The following CLDN14 variants were observed in gnomAD, a reference collection of about 807,000 sequenced individuals.
The protein encoded by CLDN14 is claudin-14.
In CLDN14, 2 loss-of-function variants were observed where a neutral mutation model predicts 2.1. That is an observed-to-expected ratio of 0.96 (90% CI 0.39 to 3.01). CLDN14 has a LOEUF of 3.01. CLDN14 is among the 30% of genes most tolerant of loss of function. CLDN14 has a pLI of 0.09. For missense variants in CLDN14, 298 were observed against 328.0 expected (o/e 0.91, Z 0.71); for synonymous variants, 136 against 154.4 (o/e 0.88, Z 0.88).
chr21:36,475,555 T>C (rs2086767828), intron 1 of CLDN14, among the ~76,000 whole-genome samples: 1 of 152,162 alleles, frequency 6.6e-6, no homozygotes, highest in Admixed American at 6.5e-5. Flanking sequence ...ACCAATGGCT[T>C]ATTTATTTCA....
chr21:36,488,247 T>TTCCTTCCTTCCTTCCTTCCC (rs1300518846), intron 2 of CLDN14, among the ~76,000 whole-genome samples: 50 of 148,084 alleles, frequency 3.4e-4, no homozygotes, highest in Non-Finnish European at 7.0e-4. Context: ...CCTTCCTTCC[T>TTCCTTCCTTCCTTCCTTCCC]TCCTTCCTTC....
At chr21:36,575,725 A>C (rs1671756536) in intron 1 of CLDN14, among the ~76,000 whole-genome samples, 1 of 152,178 alleles carries the variant, frequency 6.6e-6, no homozygotes, top group East Asian at 1.9e-4. Context: ...ATGGTGTTGA[A>C]TTTTATTACA....
At chr21:36,494,935 C>T (rs569471121) in intron 2 of CLDN14, among the ~76,000 whole-genome samples, 3 of 152,310 alleles carry the variant, frequency 2.0e-5, no homozygotes, top group South Asian at 2.1e-4. Flanking sequence ...TGTATCCAGA[C>T]GAGGACCACA....
chr21:36,543,706 C>T (rs910352855), intron 1 of CLDN14, among the ~76,000 whole-genome samples: 1 of 152,108 alleles, frequency 6.6e-6, no homozygotes, highest in African/African-American at 2.4e-5. Flanking sequence ...TGAAGAATGG[C>T]GGAGCTGCGA....
intron 2 of CLDN14, among the ~76,000 whole-genome samples, chr21:36,510,049 T>C (rs1483826312): frequency 2.6e-5 from 4 of 152,126 alleles, no homozygotes; most frequent in Admixed American, 2.6e-4. Context: ...CTACAGCAAA[T>C]GGTGTAAACT....
At chr21:36,552,842 A>G (rs1226209046) in intron 1 of CLDN14, among the ~76,000 whole-genome samples, 5 of 152,166 alleles carry the variant, frequency 3.3e-5, no homozygotes, top group African/African-American at 1.2e-4. Flanking sequence ...GGAAGCTTTG[A>G]TCACCACCCC....
intron 1 of CLDN14, among the ~76,000 whole-genome samples, chr21:36,534,828 C>A (rs2087411587): frequency 6.6e-6 from 1 of 152,142 alleles, no homozygotes; most frequent in Non-Finnish European, 1.5e-5. Context: ...GTCCCCGCCC[C>A]TTATATTTAA....
At chr21:36,522,890 A>G (rs956194101) in intron 1 of CLDN14, among the ~76,000 whole-genome samples, 2 of 152,084 alleles carry the variant, frequency 1.3e-5, no homozygotes, top group African/African-American at 2.4e-5. Flanking sequence ...TTGGCCAGCC[A>G]AGATCCAGTG....
At chr21:36,511,271 G>T (rs117779995) in intron 1 of CLDN14, among the ~76,000 whole-genome samples, 7 of 152,148 alleles carry the variant, frequency 4.6e-5, no homozygotes, top group Non-Finnish European at 8.8e-5. Context: ...TTCACGGTGC[G>T]TTGAAGCAGA....
intron 1 of CLDN14, among the ~76,000 whole-genome samples, chr21:36,554,751 C>T (rs988999500): frequency 1.3e-5 from 2 of 152,098 alleles, no homozygotes; most frequent in Admixed American, 6.5e-5. Context: ...AGTTAAAGTT[C>T]CCTGAGGGCA....
chr21:36,494,727 G>A (rs1002505674), intron 2 of CLDN14, among the ~76,000 whole-genome samples: 1 of 152,216 alleles, frequency 6.6e-6, no homozygotes, highest in African/African-American at 2.4e-5. Flanking sequence ...GCATCTATAA[G>A]CCAGGGAGGG....
At chr21:36,463,378 G>A (rs1377759272) in intron 1 of CLDN14, among the ~76,000 whole-genome samples, 1 of 152,244 alleles carries the variant, frequency 6.6e-6, no homozygotes, top group African/African-American at 2.4e-5. Context: ...CAGGAAAAGC[G>A]GGTCTGCAGG....
In CLDN14 at chr21:36,461,601, C is replaced by T. The variant is rs2086576470; in HGVS notation, c.95G>A (p.Arg32Lys). 6 of 1,608,008 alleles carry T rather than the reference C, an allele frequency of 3.7e-6. No homozygotes were observed. Among genetic ancestry groups the T allele is most frequent in the South Asian group, 3.3e-5 (3 of 90,138 alleles). Residue 32 changes from arginine to lysine, a missense_variant, in exon 2 of 2, where the codon AGG becomes AAG. Transcript: ENST00000399135. The stretch of plus-strand genomic sequence containing the variant: ...GATGTTGGTGCCCACGTGCGCTGTC[C>T]TCCGCCAGTGCGGCAGGATGGTGGT... ...LITTILPHWR[R>K]TAHVGTNILT...
intron 1 of CLDN14, among the ~76,000 whole-genome samples, chr21:36,569,840 C>T (rs1056216170): frequency 1.3e-5 from 2 of 152,222 alleles, no homozygotes; most frequent in Non-Finnish European, 2.9e-5. Flanking sequence ...ACAACTTCAG[C>T]AGTGAAGGCT....
At chr21:36,553,399 G>C (rs1054249193) in intron 1 of CLDN14, among the ~76,000 whole-genome samples, 2 of 152,140 alleles carry the variant, frequency 1.3e-5, no homozygotes, top group Admixed American at 6.5e-5. Flanking sequence ...ACAGGCCCCT[G>C]GTGGTCTCTG....
chr21:36,566,354 T>G (rs912159130), intron 1 of CLDN14, among the ~76,000 whole-genome samples: 8 of 152,234 alleles, frequency 5.3e-5, no homozygotes, highest in Admixed American at 2.6e-4. Context: ...TAAATATGAC[T>G]TCTTAAAATT....
intron 1 of CLDN14, among the ~76,000 whole-genome samples, chr21:36,520,741 A>G (rs572058444): frequency 2.6e-5 from 4 of 152,274 alleles, no homozygotes; most frequent in East Asian, 3.9e-4. Context: ...CTCTGAGGGG[A>G]CACAATTCAA....
At chr21:36,571,555 G>T (rs1168385709) in intron 1 of CLDN14, among the ~76,000 whole-genome samples, 1 of 152,168 alleles carries the variant, frequency 6.6e-6, no homozygotes, top group African/African-American at 2.4e-5. Context: ...ATCTAAGGTT[G>T]CAAACCCCAG....
chr21:36,523,017 A>G (rs1172030824), intron 1 of CLDN14, among the ~76,000 whole-genome samples: 1 of 152,148 alleles, frequency 6.6e-6, no homozygotes, highest in Admixed American at 6.5e-5. Context: ...GCTGAACCCA[A>G]GACCAACCAG....
Sources: allele counts gnomAD v4.1 joint callset (sites outside exome capture counted in the v4.1 genomes callset), GRCh38; gene constraint gnomAD v4.1.1; transcripts MANE v1.5; gene names NCBI Gene and HGNC (gene_info 2026-07-23, HGNC 2026-07-21).